OSBPL6: variants seen among roughly 807,000 people sequenced by gnomAD.
The protein encoded by OSBPL6 is oxysterol binding protein like 6.
OSBPL6 carries 49 observed loss-of-function variants against 125.8 expected under a neutral mutation model. The ratio of observed to expected loss-of-function variants is 0.39; its 90% CI spans 0.31 to 0.49. The LOEUF (loss-of-function observed/expected upper bound fraction) is 0.49. Ranked by LOEUF, OSBPL6 falls within the 20% of genes least tolerant of loss-of-function variation. The pLI, the probability that OSBPL6 is intolerant of heterozygous loss-of-function variation, is 0.88. For missense variants in OSBPL6, 986 were observed against 1,135.4 expected (o/e 0.87, Z 1.89); for synonymous variants, 394 against 391.8 (o/e 1.01, Z -0.07).
chr2:178,374,720 C>T (rs1382699441), intron 15 of OSBPL6, among the ~76,000 whole-genome samples: 2 of 152,140 alleles, frequency 1.3e-5, no homozygotes, highest in African/African-American at 2.4e-5. Context: ...GATTGCAAAT[C>T]TATACTGCAT....
At chr2:178,220,932 A>C (rs1343509947) in intron 1 of OSBPL6, among the ~76,000 whole-genome samples, 1 of 152,214 alleles carries the variant, frequency 6.6e-6, no homozygotes, top group Non-Finnish European at 1.5e-5. Flanking sequence ...GTGGCTGAGC[A>C]GTGAAAGCAT....
intron 1 of OSBPL6, among the ~76,000 whole-genome samples, chr2:178,219,891 T>C (rs2090263479): frequency 6.6e-6 from 1 of 152,194 alleles, no homozygotes; most frequent in Non-Finnish European, 1.5e-5. Context: ...CTCACTGCCT[T>C]CCGAGCAATG....
chr2:178,276,566 T>G (rs1559191369), intron 1 of OSBPL6, among the ~76,000 whole-genome samples: 2 of 151,954 alleles, frequency 1.3e-5, no homozygotes, highest in Admixed American at 6.6e-5. Flanking sequence ...AGAGACAAGG[T>G]TTCACCATGT....
rs1688035117 is a variant in OSBPL6 at position 178,319,279 on chromosome 2, G to T, written c.103-4898G>T. ...GGAAATTAACTTGAGTGTGCTGTAAGGGTAACAAAGAAATTATCCCTAAGA... is the reference window on the plus strand; with the variant it reads ...GGAAATTAACTTGAGTGTGCTGTAATGGTAACAAAGAAATTATCCCTAAGA... On this transcript the variant is annotated intron_variant, in intron 3 of 24. Transcript: ENST00000190611. Among the ~76,000 whole-genome samples, 3 of 152,292 alleles carry T rather than the reference G, an allele frequency of 2.0e-5. No homozygotes were observed. In the Middle Eastern group the frequency reaches 0.01, roughly 518 times the overall value.
intron 1 of OSBPL6, among the ~76,000 whole-genome samples, chr2:178,246,311 C>T (rs2091488374): frequency 6.6e-6 from 1 of 152,218 alleles, no homozygotes; most frequent in Non-Finnish European, 1.5e-5. Context: ...GGTCTCCATG[C>T]AGTCTCTGAC....
intron 3 of OSBPL6, among the ~76,000 whole-genome samples, chr2:178,320,064 TTAAG>T (rs1688100769): frequency 6.6e-6 from 1 of 152,178 alleles, no homozygotes; most frequent in African/African-American, 2.4e-5. Context: ...GTAATGAAAT[TTAAG>T]TAAGTAAATG....
At chr2:178,268,058 A>G (rs2092289009) in intron 1 of OSBPL6, among the ~76,000 whole-genome samples, 1 of 151,320 alleles carries the variant, frequency 6.6e-6, no homozygotes, top group South Asian at 2.1e-4. Flanking sequence ...TAAAGTAAAT[A>G]TGGTGCTTTT....
chr2:178,375,943 G>C (rs1240499580), intron 15 of OSBPL6, among the ~76,000 whole-genome samples: 6 of 152,194 alleles, frequency 3.9e-5, no homozygotes, highest in African/African-American at 4.8e-5. Context: ...AAGCAAGATG[G>C]TGGTGCCACC....
Position 178,389,009 on chromosome 2 carries a change from G to A in OSBPL6, c.2157G>A (p.Lys719=). ...TCATCAGTGTTACATTCTTCACTAG[G>A]TATGGAGATTACTATGTGTGGAATA... is the stretch of plus-strand genomic sequence containing the variant. The part of the protein sequence containing the change: ...PVGTLNVMLP[K]YGDYYVWNKV... Residue 719 remains lysine (K), a splice_region_variant and synonymous_variant, in exon 21 of 25, where the codon AAG becomes AAA. Transcript: ENST00000190611. The A allele has an allele frequency of 6.2e-7, 1 of 1,613,600 alleles. No homozygotes were observed. Among genetic ancestry groups the A allele is most frequent in the South Asian group, 1.1e-5 (1 of 91,014 alleles).
chr2:178,363,701 C>T (rs1255216664), intron 13 of OSBPL6, among the ~76,000 whole-genome samples: 1 of 152,166 alleles, frequency 6.6e-6, no homozygotes, highest in East Asian at 1.9e-4. Flanking sequence ...ATCAACTGTG[C>T]TTCCTTGGGG....
At chr2:178,328,422 AAAG>A (rs1489535857) in intron 5 of OSBPL6, 44 bp downstream of exon 5, 12 of 1,593,736 alleles carry the variant, frequency 7.5e-6, no homozygotes, top group Admixed American at 3.6e-5. Flanking sequence ...CTTCATAAAT[AAAG>A]AAGATCTTAT....
At chr2:178,281,319 G>A (rs1416857497) in intron 1 of OSBPL6, among the ~76,000 whole-genome samples, 1 of 151,976 alleles carries the variant, frequency 6.6e-6, no homozygotes, top group Non-Finnish European at 1.5e-5. Context: ...GGCCGCTTTT[G>A]ACGTTTTCCT....
At chr2:178,350,573 A>T (rs1691160962) in intron 12 of OSBPL6, among the ~76,000 whole-genome samples, 2 of 152,146 alleles carry the variant, frequency 1.3e-5, no homozygotes, top group Non-Finnish European at 1.5e-5. Context: ...TATGATTCTA[A>T]AAACAATTAA....
chr2:178,216,699 T>C (rs879671508), intron 1 of OSBPL6, among the ~76,000 whole-genome samples: 10 of 152,182 alleles, frequency 6.6e-5, no homozygotes, highest in Non-Finnish European at 1.2e-4. Context: ...TCATAGTGTT[T>C]CTCTACAACG....
intron 15 of OSBPL6, among the ~76,000 whole-genome samples, chr2:178,376,278 C>A (rs1283969686): frequency 6.6e-6 from 1 of 152,112 alleles, no homozygotes; most frequent in Non-Finnish European, 1.5e-5. Context: ...AAACCCCAGC[C>A]TGCCCATACC....
At chr2:178,328,537 G>C (rs1418806451) in intron 5 of OSBPL6, among the ~76,000 whole-genome samples, 159 bp downstream of exon 5, 2 of 152,136 alleles carry the variant, frequency 1.3e-5, no homozygotes, top group African/African-American at 4.8e-5. Context: ...ACCCAAGCTG[G>C]AGTGCAGTGG....
intron 1 of OSBPL6, among the ~76,000 whole-genome samples, chr2:178,267,019 C>T (rs1173509135): frequency 1.3e-5 from 2 of 152,254 alleles, no homozygotes; most frequent in South Asian, 2.1e-4. Context: ...GCCAGAGAGA[C>T]ATGGCTATTT....
At position 178,305,664 on chromosome 2, in the gene OSBPL6, T is replaced by C. The variant is rs183431595; in HGVS notation, c.-155-366T>C. Among the ~76,000 whole-genome samples, 406 of 152,336 alleles carry C rather than the reference T, an allele frequency of 2.7e-3. 2 individuals carry two copies. The highest frequency in any genetic ancestry group is 0.01 in the Middle Eastern group (3 of 294). Reference sequence around the variant, plus strand: ...AGCTAAACTAAACTGAAGACAAACATGGACCGAGCTCTTATTCTAGTCCAT... The same window carrying C: ...AGCTAAACTAAACTGAAGACAAACACGGACCGAGCTCTTATTCTAGTCCAT... On this transcript the variant is annotated intron_variant, in intron 2 of 24. Transcript: ENST00000190611.
intron 1 of OSBPL6, among the ~76,000 whole-genome samples, chr2:178,237,764 G>A (rs1198470773): frequency 6.6e-6 from 1 of 152,122 alleles, no homozygotes; most frequent in African/African-American, 2.4e-5. Flanking sequence ...TCCAGACATT[G>A]CCAAATGTCC....
Sources: gnomAD v4.1 joint callset for allele counts (sites outside exome capture counted in the v4.1 genomes callset) on GRCh38, gnomAD v4.1.1 for gene constraint, MANE v1.5 for transcripts, NCBI Gene and HGNC (gene_info 2026-07-23, HGNC 2026-07-21) for gene names.